Variants in DCDC1 observed in about 807,000 individuals in gnomAD.
DCDC1 encodes doublecortin domain-containing protein 1.
Under a neutral mutation model 178.3 loss-of-function variants are expected in DCDC1, and 200 were observed. The observed-to-expected ratio is 1.12, with a 90% CI of 1.00 to 1.26. The LOEUF (loss-of-function observed/expected upper bound fraction) is 1.26, where lower values mean the gene tolerates loss of function less well. DCDC1 is among the 50% of genes most tolerant of loss of function. The pLI is 0.00. For synonymous variants in DCDC1, 690 were observed against 604.8 expected, an observed-to-expected ratio of 1.14 and a Z score of -2.07; for missense variants, 1,983 against 1,749.2, an observed-to-expected ratio of 1.13 and a Z score of -2.38.
chr11:30,964,595 G>T (rs1311806702), intron 20 of DCDC1, among the ~76,000 whole-genome samples: 1 of 152,082 alleles, frequency 6.6e-6, no homozygotes, highest in Non-Finnish European at 1.5e-5. Context: ...AAGTACAAGT[G>T]TTACCCAGAG....
At chr11:30,894,858 A>G (rs1169331429) in intron 34 of DCDC1, among the ~76,000 whole-genome samples, 1 of 152,006 alleles carries the variant, frequency 6.6e-6, no homozygotes, top group Non-Finnish European at 1.5e-5. Flanking sequence ...TTTTTTTTCT[A>G]TCTAATAATA....
intron 20 of DCDC1, among the ~76,000 whole-genome samples, chr11:31,048,967 C>G (rs1338594001): frequency 6.8e-6 from 1 of 147,650 alleles, no homozygotes; most frequent in Non-Finnish European, 1.5e-5. Context: ...AATCAAACTT[C>G]TTTATTGTTT....
intron 7 of DCDC1, among the ~76,000 whole-genome samples, chr11:31,288,849 T>A (rs954830700): frequency 1.3e-4 from 19 of 151,878 alleles, no homozygotes; most frequent in Non-Finnish European, 2.7e-4. Context: ...TACAAAATAA[T>A]TAGCAAGCCT....
chr11:30,937,301 G>A (rs537039970), intron 21 of DCDC1, among the ~76,000 whole-genome samples: 9 of 152,078 alleles, frequency 5.9e-5, no homozygotes, highest in Non-Finnish European at 1.2e-4. Flanking sequence ...AGCCACCCCA[G>A]TATTAACCCA....
intron 15 of DCDC1, among the ~76,000 whole-genome samples, chr11:31,101,015 T>C (rs963284411): frequency 3.3e-5 from 5 of 152,238 alleles, no homozygotes; most frequent in Admixed American, 3.3e-4. Flanking sequence ...ATAAGTACAC[T>C]ATTTAGATCC....
At chr11:31,139,111 C>T (rs1323641148) in intron 9 of DCDC1, among the ~76,000 whole-genome samples, 3 of 152,044 alleles carry the variant, frequency 2.0e-5, no homozygotes, top group Non-Finnish European at 4.4e-5. Context: ...TATATATACA[C>T]ACACATTATA....
chr11:30,903,449 A>T (rs763756946), intron 32 of DCDC1, 33 bp downstream of exon 32: 2 of 1,517,972 alleles, frequency 1.3e-6, no homozygotes, highest in South Asian at 2.6e-5. Context: ...AAGCATAAGT[A>T]GAATCAGCTA....
At chr11:31,127,986 T>C (rs1004494633) in intron 10 of DCDC1, among the ~76,000 whole-genome samples, 6 of 152,124 alleles carry the variant, frequency 3.9e-5, no homozygotes, top group Admixed American at 3.9e-4. Context: ...GGACTTTAAA[T>C]AATCCAATGT....
chr11:30,889,578 C>T (rs889376039), intron 36 of DCDC1, among the ~76,000 whole-genome samples: 1 of 152,156 alleles, frequency 6.6e-6, no homozygotes, highest in Non-Finnish European at 1.5e-5. Context: ...TTCTCACACA[C>T]AGTCCATCCT....
At chr11:30,884,817 A>T (rs974363646) in intron 36 of DCDC1, among the ~76,000 whole-genome samples, 1 of 152,078 alleles carries the variant, frequency 6.6e-6, no homozygotes, top group African/African-American at 2.4e-5. Context: ...AAATAAAAGA[A>T]TACCACAGCC....
At chr11:31,173,743 C>A (rs899583942) in intron 9 of DCDC1, among the ~76,000 whole-genome samples, 3 of 105,700 alleles carry the variant, frequency 2.8e-5, no homozygotes, top group Non-Finnish European at 4.3e-5. Context: ...CACTTACACA[C>A]ACACACACAC....
intron 1 of DCDC1, among the ~76,000 whole-genome samples, chr11:31,357,675 A>T (rs1392927927): frequency 1.3e-5 from 2 of 152,144 alleles, no homozygotes; most frequent in African/African-American, 4.8e-5. Context: ...ACATGATTGT[A>T]TATCTAGAAA....
intron 9 of DCDC1, among the ~76,000 whole-genome samples, chr11:31,190,506 G>T (rs1218567892): frequency 6.6e-6 from 1 of 152,000 alleles, no homozygotes; most frequent in Non-Finnish European, 1.5e-5. Context: ...TGGGCATTTA[G>T]GTTGTTTCCA....
intron 6 of DCDC1, among the ~76,000 whole-genome samples, chr11:31,305,292 T>C (rs1367681073): frequency 4.6e-5 from 7 of 152,188 alleles, no homozygotes; most frequent in Admixed American, 4.6e-4. Flanking sequence ...ATTATGTCTG[T>C]TGAGTGTCAC....
intron 8 of DCDC1, among the ~76,000 whole-genome samples, chr11:31,249,565 A>G (rs1943823277): frequency 6.6e-6 from 1 of 152,180 alleles, no homozygotes; most frequent in African/African-American, 2.4e-5. Context: ...GAACCAAGGA[A>G]AAGTCAAAGA....
intron 23 of DCDC1, 80 bp downstream of exon 23, chr11:30,925,229 A>C: frequency 8.2e-7 from 1 of 1,224,012 alleles, no homozygotes; most frequent in Non-Finnish European, 1.2e-6. Flanking sequence ...TAAGCATTTG[A>C]AGACTTATAT....
At chr11:30,973,546 A>G (rs944690567) in intron 20 of DCDC1, among the ~76,000 whole-genome samples, 1 of 152,214 alleles carries the variant, frequency 6.6e-6, no homozygotes, top group Admixed American at 6.5e-5. Context: ...GTCTGAAAGT[A>G]AAGGAGTCGA....
At chr11:31,257,147 GT>G (rs1944461411) in intron 8 of DCDC1, among the ~76,000 whole-genome samples, 1 of 152,122 alleles carries the variant, frequency 6.6e-6, no homozygotes, top group Non-Finnish European at 1.5e-5. Context: ...TGATGGTGAG[GT>G]TCTGTCTTTA....
At chr11:31,041,973 G>A (rs1358030183) in intron 20 of DCDC1, among the ~76,000 whole-genome samples, 1 of 152,230 alleles carries the variant, frequency 6.6e-6, no homozygotes, top group Non-Finnish European at 1.5e-5. Context: ...TAAAGTTAGT[G>A]ATTTTATGGG....
Sources: gnomAD v4.1 joint callset for allele counts (sites outside exome capture counted in the v4.1 genomes callset) on GRCh38, gnomAD v4.1.1 for gene constraint, MANE v1.5 for transcripts, NCBI Gene and HGNC (gene_info 2026-07-23, HGNC 2026-07-21) for gene names.